The following UNC93A variants were observed in gnomAD, a reference collection of about 807,000 sequenced individuals.
UNC93A encodes the protein N-acetylglucosamine transporter UNC93A.
A neutral mutation model predicts 47.5 loss-of-function variants in UNC93A; 43 were observed. That is an observed-to-expected ratio of 0.91 (90% CI 0.71 to 1.17). The LOEUF is 1.17. Among genes scored for constraint, UNC93A ranks in the 50% most tolerant of loss-of-function variants. UNC93A has a pLI of 0.00. For synonymous variants in UNC93A, 280 were observed against 258.0 expected (o/e 1.09, Z -0.82); for missense variants, 605 against 577.6 (o/e 1.05, Z -0.49).
chr6:167,282,059 C>T (rs566272492), intron 1 of UNC93A, among the ~76,000 whole-genome samples: 3 of 152,250 alleles, frequency 2.0e-5, no homozygotes, highest in South Asian at 2.1e-4. Flanking sequence ...AACAGACCAG[C>T]AGACTAATTT....
At chr6:167,278,310 G>A (rs206980) in intron 1 of UNC93A, among the ~76,000 whole-genome samples, 109,219 of 152,122 alleles carry the variant, frequency 0.72, 39,790 homozygotes, top group African/African-American at 0.85. Flanking sequence ...GAAGAGGACA[G>A]TGCCACAGAG....
chr6:167,312,453 A>G (rs912478195), intron 7 of UNC93A, among the ~76,000 whole-genome samples: 2 of 149,702 alleles, frequency 1.3e-5, no homozygotes, highest in Non-Finnish European at 3.0e-5. Context: ...TCCATAAAAA[A>G]CGCCTGTCCC....
At chr6:167,312,623 A>T (rs71553159) in intron 7 of UNC93A, among the ~76,000 whole-genome samples, 37,608 of 152,062 alleles carry the variant, frequency 0.25, 4,769 homozygotes, top group South Asian at 0.32. Context: ...CTGTCGCTCC[A>T]TTCTCCGGCA....
At chr6:167,314,043 A>G (rs764527540) in intron 7 of UNC93A, among the ~76,000 whole-genome samples, 6 of 152,078 alleles carry the variant, frequency 3.9e-5, no homozygotes, top group Non-Finnish European at 7.3e-5. Context: ...CTAGCAGGGC[A>G]CTCCCCTGCT....
upstream of UNC93A, among the ~76,000 whole-genome samples, chr6:167,270,423 C>G (rs1466131909): frequency 2.0e-5 from 3 of 151,996 alleles, no homozygotes; most frequent in African/African-American, 7.3e-5. Context: ...AAGATGAGTG[C>G]TGTTGTCAGG....
chr6:167,299,920 C>T (rs965712267), intron 4 of UNC93A, among the ~76,000 whole-genome samples: 1 of 152,168 alleles, frequency 6.6e-6, no homozygotes, highest in Admixed American at 6.5e-5. Context: ...GCCAGCGTGA[C>T]TTAGAGGTGC....
Position 167,297,930 on chromosome 6 carries a change from A to G in UNC93A, c.500-15A>G, listed in dbSNP as rs1555033. 0.2 allele frequency: 324,028 copies of G among 1,612,254 alleles called. 33,562 individuals are homozygous for G. Among genetic ancestry groups the G allele is most frequent in the African/African-American group, 0.3 (22,228 of 74,786 alleles). Reference sequence around the variant, plus strand: ...TGCCGTCATCTCATGTCTCCTGTCCACTCTGACTTCATAGAGACCCTTCCA... The same window carrying G: ...TGCCGTCATCTCATGTCTCCTGTCCGCTCTGACTTCATAGAGACCCTTCCA... On this transcript the variant is annotated splice_polypyrimidine_tract_variant and intron_variant, in intron 3 of 7. Transcript: ENST00000230256.
Position 167,291,543 on chromosome 6 carries a change from C to T in UNC93A, c.54C>T (p.Leu18=). Residue 18 remains leucine, a synonymous_variant, in exon 1 of 8, where the codon CTC becomes CTT. Transcript: ENST00000230256. Reference sequence around the variant, plus strand: ...TGGTTTCCTTTGGGTTCCTGCTTCTCTTTACAGCCTATGGAGGTCTGCAGA... The same window carrying T: ...TGGTTTCCTTTGGGTTCCTGCTTCTTTTTACAGCCTATGGAGGTCTGCAGA... ...VLVVSFGFLL[L]FTAYGGLQSL... is the part of the protein sequence containing the mutation. 6.2e-7 allele frequency: 1 copy of T among 1,613,738 alleles called. No homozygotes were observed. Among genetic ancestry groups the T allele is most frequent in the Non-Finnish European group, 8.5e-7 (1 of 1,179,862 alleles).
intron 2 of UNC93A, 143 bp downstream of exon 2, chr6:167,294,841 G>A (rs1275088744): frequency 8.8e-6 from 8 of 910,894 alleles, no homozygotes; most frequent in African/African-American, 5.1e-5. Context: ...CTGCACCCCC[G>A]CCTCGCTTTG....
At chr6:167,281,424 G>A (rs1002765476) in intron 1 of UNC93A, among the ~76,000 whole-genome samples, 18 of 152,324 alleles carry the variant, frequency 1.2e-4, no homozygotes, top group South Asian at 6.2e-4. Flanking sequence ...GAGATGAGTT[G>A]AGCTGAATAC....
chr6:167,306,380 C>A (rs1462220950), intron 6 of UNC93A, among the ~76,000 whole-genome samples: 4 of 152,158 alleles, frequency 2.6e-5, no homozygotes, highest in Non-Finnish European at 5.9e-5. Context: ...GACACGAAGC[C>A]AGTGGTGAGG....
chr6:167,309,353 G>A (rs1166657151), intron 7 of UNC93A, among the ~76,000 whole-genome samples: 1 of 152,158 alleles, frequency 6.6e-6, no homozygotes, highest in Admixed American at 6.5e-5. Context: ...ACTGGGTGGT[G>A]TTGAAAATGA....
chr6:167,314,615 C>T (rs1462640602), intron 7 of UNC93A, among the ~76,000 whole-genome samples: 2 of 152,226 alleles, frequency 1.3e-5, no homozygotes, highest in Non-Finnish European at 2.9e-5. Flanking sequence ...CTGCTTAGCA[C>T]CAACGTGCCT....
At chr6:167,281,093 A>T (rs1027782406) in intron 1 of UNC93A, among the ~76,000 whole-genome samples, 1 of 152,112 alleles carries the variant, frequency 6.6e-6, no homozygotes, top group South Asian at 2.1e-4. Context: ...TAATCCCACC[A>T]AAAGGAGCCC....
upstream of UNC93A, among the ~76,000 whole-genome samples, chr6:167,270,991 G>A (rs967742236): frequency 1.6e-4 from 25 of 152,360 alleles, no homozygotes; most frequent in South Asian, 1.7e-3. Flanking sequence ...GGGATGGGCT[G>A]CCACGTGGGC....
At chr6:167,284,732 A>G (rs1285765737) in intron 1 of UNC93A, among the ~76,000 whole-genome samples, 1 of 152,254 alleles carries the variant, frequency 6.6e-6, no homozygotes, top group African/African-American at 2.4e-5. Flanking sequence ...CACACAGCCC[A>G]TTTTCCTGAG....
At chr6:167,277,604 G>A (rs140544963) in intron 1 of UNC93A, among the ~76,000 whole-genome samples, 1 of 151,516 alleles carries the variant, frequency 6.6e-6, no homozygotes, top group East Asian at 1.9e-4. Flanking sequence ...CCGTTCTCTG[G>A]CTATCTCTGT....
At chr6:167,289,757 G>T (rs1040054240), upstream of UNC93A, among the ~76,000 whole-genome samples, 1 of 150,980 alleles carries the variant, frequency 6.6e-6, no homozygotes, top group Non-Finnish European at 1.5e-5. Context: ...TCAAAATACA[G>T]GTCATCCATG....
Position 167,304,034 on chromosome 6 carries a change from G to A in UNC93A, c.741G>A (p.Ser247=), listed in dbSNP as rs748804841. Residue 247 remains serine, a synonymous_variant, in exon 5 of 8, where the codon TCG becomes TCA. Coordinates refer to ENST00000230256, the MANE Select transcript of UNC93A (RefSeq NM_018974.4). ...TACCTTTCTGGTCCACTTTACTGTC[G>A]ACTTTCAAGCTATATAGAGATAAAC... is the stretch of plus-strand genomic sequence containing the variant. ...KSVPFWSTLL[S]TFKLYRDKRL... 13 of 1,613,920 alleles carry A rather than the reference G, an allele frequency of 8.1e-6. No homozygotes were observed. Among genetic ancestry groups the A allele is most frequent in the South Asian group, 5.5e-5 (5 of 91,062 alleles).
Sources: gnomAD v4.1 joint callset for allele counts (sites outside exome capture counted in the v4.1 genomes callset) on GRCh38, gnomAD v4.1.1 for gene constraint, MANE v1.5 for transcripts, NCBI Gene and HGNC (gene_info 2026-07-23, HGNC 2026-07-21) for gene names.